DDX60L: variants seen among roughly 807,000 people sequenced by gnomAD.
DDX60L encodes probable ATP-dependent RNA helicase DDX60-like.
In DDX60L, 191 loss-of-function variants were observed where a neutral mutation model predicts 211.6. That is an observed-to-expected ratio of 0.90 (90% CI 0.80 to 1.02). The LOEUF (loss-of-function observed/expected upper bound fraction) is 1.02, where lower values mean the gene tolerates loss of function less well. DDX60L is among the 50% of genes least tolerant of loss of function. The pLI is 0.00. For synonymous variants in DDX60L, 706 were observed against 694.1 expected (o/e 1.02, Z -0.27); for missense variants, 2,007 against 1,984.1 (o/e 1.01, Z -0.22).
rs1423464312 is a variant in DDX60L, at chr4:168,415,437, G to T, written c.2950C>A (p.His984Asn). The change falls in exon 22 of 38, where the codon CAT becomes AAT. Residue 984 changes from histidine (H) to asparagine (N), a missense_variant. His to Asn is a moderately conservative substitution (Grantham distance 68). Coordinates refer to ENST00000682922, the MANE Select transcript of DDX60L (RefSeq NM_001012967.3). ...TCTGTCGTTAGCGCAGCACAGGGAT[G>T]AAAATGATCAAAATAAACATCATCA... ...KHDDVYFDHF[H>N]PCAALTTDII... The T allele has an allele frequency of 6.2e-7, 1 of 1,606,970 alleles. No homozygotes were observed. Among genetic ancestry groups the T allele is most frequent in the South Asian group, 1.1e-5 (1 of 90,004 alleles).
intron 4 of DDX60L, among the ~76,000 whole-genome samples, chr4:168,464,296 A>G (rs1757687446): frequency 6.6e-6 from 1 of 152,186 alleles, no homozygotes; most frequent in African/African-American, 2.4e-5. Flanking sequence ...AGATGTTTAA[A>G]TTATTGAAAT....
chr4:168,376,246 A>G (rs17540046), intron 33 of DDX60L, among the ~76,000 whole-genome samples: 16,078 of 152,246 alleles, frequency 0.11, 1,087 homozygotes, highest in Middle Eastern at 0.22. Context: ...ATTTATTCAT[A>G]ACCTGTACTT....
chr4:168,416,545 C>G, intron 20 of DDX60L, 137 bp downstream of exon 20: 1 of 501,360 alleles, frequency 2.0e-6, no homozygotes, highest in South Asian at 6.4e-5. Flanking sequence ...AAAGCAAGAC[C>G]ACTGACGTTT....
intron 4 of DDX60L, among the ~76,000 whole-genome samples, chr4:168,467,351 G>C (rs1343348697): frequency 2.0e-5 from 3 of 151,026 alleles, no homozygotes; most frequent in Non-Finnish European, 4.4e-5. Flanking sequence ...AGAGGTTACA[G>C]TGTGCCAAAA....
rs1489387265 is a variant in DDX60L at position 168,420,457 on chromosome 4, TACACATACACACACACAC to T, written c.2395-95_2395-78del. The T allele has an allele frequency of 9.6e-3, 7,811 of 811,488 alleles. 250 individuals are homozygous for T. The highest frequency in any genetic ancestry group is 0.06 in the African/African-American group (2,512 of 42,046). 50.3% of individuals were successfully genotyped at this position (811,488 alleles called of 1,614,324 possible). A position where few individuals can be genotyped will look rare whatever the true frequency, so the allele number is the denominator to read the frequency against. On this transcript the variant is annotated intron_variant, in intron 17 of 37. Coordinates refer to ENST00000682922, the MANE Select transcript of DDX60L (RefSeq NM_001012967.3). Reference sequence around the variant, plus strand: ...AAAACCTTGAGGACAACCGAATCCATACACATACACACACACACACACACACACACACACACACACACA... The same window carrying T: ...AAAACCTTGAGGACAACCGAATCCATACACACACACACACACACACACACA...
chr4:168,424,978 G>A (rs1445937876), intron 14 of DDX60L, among the ~76,000 whole-genome samples: 1 of 152,088 alleles, frequency 6.6e-6, no homozygotes, highest in Non-Finnish European at 1.5e-5. Flanking sequence ...GTACAAATTT[G>A]CCCTTTTTCT....
chr4:168,421,796 G>C lies in DDX60L; in HGVS notation c.2358C>G (p.Ser786Arg), dbSNP rs200199138. The change falls in exon 17 of 38, where the codon AGC becomes AGG. Residue 786 changes from serine to arginine, a missense_variant. Physicochemically the swap from Ser to Arg is moderately radical, Grantham distance 110 (BLOSUM62 -1). Coordinates refer to ENST00000682922, the MANE Select transcript of DDX60L (RefSeq NM_001012967.3). ...CAACGTACACAACCACCCCGACATC[G>C]CTCTCCCTCAGCACTTTCTCCATGC... ...YYCMEKVLRE[S>R]DVGVVVYVAP... 1.9e-6 allele frequency: 3 copies of C among 1,613,996 alleles called. No homozygotes were observed. The highest frequency in any genetic ancestry group is 1.7e-6 in the Non-Finnish European group (2 of 1,180,034).
At chr4:168,440,920 C>T (rs541605320) in intron 10 of DDX60L, among the ~76,000 whole-genome samples, 1 of 151,706 alleles carries the variant, frequency 6.6e-6, no homozygotes, top group Non-Finnish European at 1.5e-5. Context: ...GACATTATAC[C>T]GAGAGGAAAA....
chr4:168,442,961 G>T (rs1754174355), intron 9 of DDX60L, among the ~76,000 whole-genome samples: 1 of 152,180 alleles, frequency 6.6e-6, no homozygotes, highest in Non-Finnish European at 1.5e-5. Context: ...ACTATAAAAA[G>T]CAGAGCGCCT....
intron 6 of DDX60L, 107 bp downstream of exon 6, chr4:168,457,785 G>T (rs1561115707): frequency 3.5e-6 from 2 of 568,948 alleles, no homozygotes; most frequent in African/African-American, 1.9e-5. Context: ...TACTAAGGAG[G>T]TATATGGCAC....
Position 168,472,405 on chromosome 4 carries a change from A to C in DDX60L, c.74+50T>G, listed in dbSNP as rs748388432. 1.0e-4 allele frequency: 139 copies of C among 1,352,270 alleles called. 3 individuals carry two copies. The South Asian group carries it at 1.8e-3, about 17-fold the overall frequency. 83.8% of individuals were successfully genotyped at this position (1,352,270 alleles called of 1,614,324 possible). On this transcript the variant is annotated intron_variant, in intron 3 of 37. Coordinates refer to ENST00000682922, the MANE Select transcript of DDX60L (RefSeq NM_001012967.3). ...TATGGGTTAAGAGGGATGTGGAAAC[A>C]CAGAGCATACAATAGTATAGCTCCT...
intron 33 of DDX60L, 25 bp downstream of exon 33, chr4:168,378,329 T>C: frequency 8.0e-7 from 1 of 1,255,592 alleles, no homozygotes. Context: ...CATTATTATA[T>C]CATTGTAAGT....
At chr4:168,413,687 GA>G (rs1561016912) in intron 22 of DDX60L, among the ~76,000 whole-genome samples, 2 of 151,582 alleles carry the variant, frequency 1.3e-5, no homozygotes, top group South Asian at 4.2e-4. Context: ...AGTCAAAAGA[GA>G]AAAAAGAAAA....
intron 1 of DDX60L, among the ~76,000 whole-genome samples, chr4:168,476,555 AAG>A (rs750552519): frequency 6.6e-6 from 1 of 152,210 alleles, no homozygotes; most frequent in Non-Finnish European, 1.5e-5. Flanking sequence ...GAGATGAAGA[AAG>A]AGAGAGAGAA....
intron 22 of DDX60L, among the ~76,000 whole-genome samples, chr4:168,412,511 G>A (rs1579466114): frequency 6.7e-6 from 1 of 150,232 alleles, no homozygotes; most frequent in Admixed American, 6.6e-5. Flanking sequence ...CTACTTGTGG[G>A]AAAAAAAAAG....
intron 4 of DDX60L, among the ~76,000 whole-genome samples, chr4:168,464,996 T>A (rs1459508961): frequency 6.6e-6 from 1 of 152,136 alleles, no homozygotes; most frequent in Non-Finnish European, 1.5e-5. Context: ...TGATTTCCTA[T>A]CCTTTGAATA....
rs1447131228 is a variant in DDX60L at position 168,472,791 on chromosome 4, T to A, written c.-92A>T. The A allele has an allele frequency of 7.0e-6, 10 of 1,433,604 alleles. No individual in the cohort carries two copies. The highest frequency in any genetic ancestry group is 8.7e-6 in the Non-Finnish European group (9 of 1,034,606). 88.8% of individuals were successfully genotyped at this position (1,433,604 alleles called of 1,614,324 possible). On this transcript the variant is annotated 5_prime_UTR_variant, in exon 2 of 38. The change abolishes an upstream ATG in the 5' untranslated region. Transcript: ENST00000682922. ...TTTTGACACCTCTAAAATGGCTACA[T>A]TTGATGTGAATGGCACCTCTGTAAT...
chr4:168,442,170 G>A (rs2150001168), intron 9 of DDX60L, among the ~76,000 whole-genome samples: 1 of 152,246 alleles, frequency 6.6e-6, no homozygotes, highest in South Asian at 2.1e-4. Flanking sequence ...CCGAAGCAGG[G>A]CGAGGCATTG....
intron 26 of DDX60L, among the ~76,000 whole-genome samples, chr4:168,398,964 C>G (rs72976813): frequency 0.033 from 5,087 of 152,176 alleles, 291 homozygotes; most frequent in African/African-American, 0.12. Context: ...AGAGGAGCAA[C>G]CCACTCCAGG....
Sources: allele counts gnomAD v4.1 joint callset (sites outside exome capture counted in the v4.1 genomes callset), GRCh38; gene constraint gnomAD v4.1.1; transcripts MANE v1.5; gene names NCBI Gene and HGNC (gene_info 2026-07-23, HGNC 2026-07-21).